Variants in CLVS1 observed in about 807,000 individuals in gnomAD.
CLVS1 encodes the protein clavesin 1, also known as clavesin-1.
CLVS1 carries 10 observed loss-of-function variants against 33.1 expected under a neutral mutation model. That is an observed-to-expected ratio of 0.30 (90% CI 0.19 to 0.51). The LOEUF (loss-of-function observed/expected upper bound fraction) is 0.51, where lower values mean the gene tolerates loss of function less well. Ranked by LOEUF, CLVS1 falls within the 20% of genes least tolerant of loss-of-function variation. The pLI, the probability that CLVS1 is intolerant of heterozygous loss-of-function variation, is 0.97. For missense variants in CLVS1, 343 were observed against 433.4 expected (o/e 0.79, Z 1.85); for synonymous variants, 163 against 166.1 (o/e 0.98, Z 0.14).
At chr8:61,044,344 C>T in the CLVS1 span, among the ~76,000 whole-genome samples, 2 of 152,158 alleles carry the variant, frequency 1.3e-5, no homozygotes, top group African/African-American at 2.4e-5. Flanking sequence ...CATCCAAACA[C>T]GTAATATCAA....
intron 2 of CLVS1, among the ~76,000 whole-genome samples, chr8:61,278,214 C>T (rs1809600852): frequency 6.6e-6 from 1 of 152,194 alleles, no homozygotes; most frequent in South Asian, 2.1e-4. Context: ...ATTCTGATCT[C>T]CCACAATAAA....
chr8:61,049,521 G>T, the CLVS1 span, among the ~76,000 whole-genome samples: 1 of 152,246 alleles, frequency 6.6e-6, no homozygotes. Flanking sequence ...ATCATTAAAC[G>T]ATAGGAAAGT....
intron 2 of CLVS1, among the ~76,000 whole-genome samples, chr8:61,282,920 C>T (rs1387030486): frequency 6.6e-6 from 1 of 152,194 alleles, no homozygotes; most frequent in Non-Finnish European, 1.5e-5. Context: ...TCCAAACACT[C>T]CCTGGCTTCA....
chr8:61,258,677 G>T (rs894370895), intron 2 of CLVS1, among the ~76,000 whole-genome samples: 1 of 152,096 alleles, frequency 6.6e-6, no homozygotes, highest in Non-Finnish European at 1.5e-5. Flanking sequence ...CCTAAACCAC[G>T]GAGAACATCC....
At chr8:60,966,218 G>T in the CLVS1 span, 1 of 361,174 alleles carries the variant, frequency 2.8e-6, no homozygotes, top group Non-Finnish European at 5.5e-6. Flanking sequence ...TGAACAAGTG[G>T]TACCCTAACT....
the CLVS1 span, among the ~76,000 whole-genome samples, chr8:61,002,788 T>G: frequency 6.6e-6 from 1 of 152,096 alleles, no homozygotes; most frequent in African/African-American, 2.4e-5. Flanking sequence ...ATCTTAAGAG[T>G]CAGTCTTCTT....
intron 3 of CLVS1, among the ~76,000 whole-genome samples, chr8:61,398,730 G>A (rs1247668743): frequency 6.6e-6 from 1 of 152,024 alleles, no homozygotes; most frequent in African/African-American, 2.4e-5. Flanking sequence ...ACAGGCCCCA[G>A]TATGTTGTTC....
At chr8:61,111,377 G>A (rs1398894305) in intron 1 of CLVS1, among the ~76,000 whole-genome samples, 2 of 152,184 alleles carry the variant, frequency 1.3e-5, no homozygotes, top group African/African-American at 2.4e-5. Flanking sequence ...AAAATGATGA[G>A]TCAATATTTT....
Position 61,500,404 on chromosome 8 carries a change from AC to A in CLVS1, c.*865del, listed in dbSNP as rs1804608339. ...AAAGAAAAGTGCTATCAAACCATTT[AC>A]CCTTGCCCCCACAACCCTCCTGCAA... On this transcript the variant is annotated 3_prime_UTR_variant, in exon 6 of 6. Coordinates refer to ENST00000325897, the MANE Select transcript of CLVS1 (RefSeq NM_173519.3). The A allele has an allele frequency of 1.3e-5, 2 of 152,130 alleles. No homozygotes were observed. The highest frequency in any genetic ancestry group is 1.3e-4 in the Admixed American group (2 of 15,272). The allele number at this position is 152,130 out of a possible 1,614,324, so 9.4% of individuals were successfully genotyped here.
chr8:61,039,523 C>T, the CLVS1 span, among the ~76,000 whole-genome samples: 5 of 151,992 alleles, frequency 3.3e-5, no homozygotes, highest in Admixed American at 1.3e-4. Context: ...GACTTAATTT[C>T]TTTTTTTCTT....
chr8:61,122,782 C>T (rs1337386063), intron 1 of CLVS1, among the ~76,000 whole-genome samples: 1 of 152,122 alleles, frequency 6.6e-6, no homozygotes. Flanking sequence ...GACCAAGGTG[C>T]TTTTGACCAG....
chr8:61,480,807 C>T (rs1450962860), intron 5 of CLVS1, among the ~76,000 whole-genome samples: 1 of 152,034 alleles, frequency 6.6e-6, no homozygotes, highest in African/African-American at 2.4e-5. Context: ...CGTGCATGGG[C>T]TTGAAATTGC....
At chr8:61,192,652 A>C (rs1336796764) in intron 2 of CLVS1, among the ~76,000 whole-genome samples, 3 of 152,158 alleles carry the variant, frequency 2.0e-5, no homozygotes, top group African/African-American at 7.2e-5. Flanking sequence ...GAATCTACAA[A>C]GAACTCAAAC....
chr8:61,404,055 T>C (rs1283048247), intron 3 of CLVS1, among the ~76,000 whole-genome samples: 4 of 152,160 alleles, frequency 2.6e-5, no homozygotes, highest in Non-Finnish European at 5.9e-5. Flanking sequence ...TTTGTGAGTG[T>C]GAGCAGAACC....
rs1586003244 is a variant in CLVS1 at position 61,458,350 on chromosome 8, T to C, written c.785T>C (p.Ile262Thr). Residue 262 changes from isoleucine (I) to threonine (T), a missense_variant, in exon 5 of 6, where the codon ATA (isoleucine) becomes ACA (threonine). By Grantham distance (89) the Ile-to-Thr change is moderately conservative. Coordinates refer to ENST00000325897, the MANE Select transcript of CLVS1 (RefSeq NM_173519.3). Reference protein sequence around the residue: ...GNNLNSLHQLIHPEFLPSEFG... With the variant: ...GNNLNSLHQLTHPEFLPSEFG... ...AATTTAAACAGCCTTCACCAGCTAA[T>C]ACACCCTGAATTTTTGCCCTCTGAA... 1.9e-6 allele frequency: 3 copies of C among 1,614,056 alleles called. No homozygotes were observed. Among genetic ancestry groups the C allele is most frequent in the African/African-American group, 1.3e-5 (1 of 74,934 alleles).
At chr8:61,486,376 A>C (rs1346873088) in intron 5 of CLVS1, among the ~76,000 whole-genome samples, 2 of 152,236 alleles carry the variant, frequency 1.3e-5, no homozygotes, top group Non-Finnish European at 2.9e-5. Context: ...CTATTCTTAC[A>C]AGAACTCATC....
At chr8:61,421,584 A>G (rs1374809601) in intron 3 of CLVS1, among the ~76,000 whole-genome samples, 4 of 152,176 alleles carry the variant, frequency 2.6e-5, no homozygotes, top group Non-Finnish European at 5.9e-5. Flanking sequence ...TAAATTTTTC[A>G]ATTTATCATT....
the CLVS1 span, among the ~76,000 whole-genome samples, chr8:61,002,250 G>A: frequency 2.0e-5 from 3 of 151,754 alleles, no homozygotes; most frequent in African/African-American, 7.3e-5. Context: ...CCAAAGTACT[G>A]GGATTACAGA....
chr8:61,202,788 A>T, intron 2 of CLVS1: 1 of 1,464,980 alleles, frequency 6.8e-7, no homozygotes, highest in Admixed American at 1.7e-5. Flanking sequence ...CTGCCCTCGG[A>T]GGTAGTAGCA....
Sources: gnomAD v4.1 joint callset for allele counts (sites outside exome capture counted in the v4.1 genomes callset) on GRCh38, gnomAD v4.1.1 for gene constraint, MANE v1.5 for transcripts, NCBI Gene and HGNC (gene_info 2026-07-23, HGNC 2026-07-21) for gene names.